Variants in CFLAR observed in about 807,000 individuals in gnomAD.
CFLAR encodes the protein CASP8 and FADD like apoptosis regulator.
In CFLAR, 14 loss-of-function variants were observed where a neutral mutation model predicts 51.1. The ratio of observed to expected loss-of-function variants is 0.27; its 90% CI spans 0.18 to 0.43. The LOEUF (loss-of-function observed/expected upper bound fraction) is 0.43. Among genes scored for constraint, CFLAR ranks in the 20% least tolerant of loss-of-function variants. The pLI is 1.00. For synonymous variants in CFLAR, 210 were observed against 211.6 expected (o/e 0.99, Z 0.06); for missense variants, 390 against 566.5 (o/e 0.69, Z 3.16).
intron 8 of CFLAR, among the ~76,000 whole-genome samples, chr2:201,155,380 T>G (rs2125895486): frequency 6.6e-6 from 1 of 151,864 alleles, no homozygotes; most frequent in Admixed American, 6.6e-5. Context: ...ATTCTCCGCC[T>G]CAGCCTCCTG....
In CFLAR at chr2:201,149,613, C is replaced by T. The variant is rs537197902; in HGVS notation, c.712-141C>T. 3.8e-4 allele frequency: 218 copies of T among 576,746 alleles called. 1 individual carries two copies. Among genetic ancestry groups the T allele is most frequent in the South Asian group, 1.3e-3 (59 of 44,446 alleles). 35.7% of individuals were successfully genotyped at this position (576,746 alleles called of 1,614,324 possible). A position where few individuals can be genotyped will look rare whatever the true frequency, so the allele number is the denominator to read the frequency against. ...TTTGATATTAATGGGAAACATTTGC[C>T]GTAATGGGAAACTTCAGGCTGTGTC... On this transcript the variant is annotated intron_variant, in intron 7 of 9. Coordinates refer to ENST00000309955, the MANE Select transcript of CFLAR (RefSeq NM_003879.7).
Position 201,137,828 on chromosome 2 carries a change from G to GTAC in CFLAR, c.523+1723_523+1725dup, listed in dbSNP as rs1365426538. ...TGGCATCCAGTGAGCCCATGCCCTG[G>GTAC]TACTTCTTGAGCTGCATTCCGTCTG... On this transcript the variant is annotated intron_variant, in intron 4 of 9. Coordinates refer to ENST00000309955, the MANE Select transcript of CFLAR (RefSeq NM_003879.7). The GTAC allele has an allele frequency of 1.8e-5, 21 of 1,177,210 alleles. 1 individual carries two copies. The Admixed American group carries it at 2.7e-4, about 15-fold the overall frequency. The allele number at this position is 1,177,210 out of a possible 1,614,324, so 72.9% of individuals were successfully genotyped here.
rs1044722177 is a variant in CFLAR at position 201,158,557 on chromosome 2, G to A, written c.794-1875G>A. On this transcript the variant is annotated intron_variant, in intron 8 of 9. Coordinates refer to ENST00000309955, the MANE Select transcript of CFLAR (RefSeq NM_003879.7). ...GAGCAAATACTCCATGATTAGAGAC[G>A]TGTGAGTCCTTTGGAATAGAATAGC... Among the ~76,000 whole-genome samples the A allele has an allele frequency of 1.6e-4, 24 of 152,142 alleles. 1 individual carries two copies. Among genetic ancestry groups the A allele is most frequent in the Admixed American group, 9.2e-4 (14 of 15,276 alleles).
At chr2:201,148,969 G>C in intron 6 of CFLAR, 34 bp from the exon 7 acceptor site, 5 of 1,543,122 alleles carry the variant, frequency 3.2e-6, no homozygotes, top group Non-Finnish European at 4.5e-6. Context: ...CTCTCCTTCA[G>C]CTTTGTAAAT....
chr2:201,142,253 T>C (rs936037026), intron 5 of CFLAR, among the ~76,000 whole-genome samples: 8 of 151,098 alleles, frequency 5.3e-5, no homozygotes, highest in African/African-American at 2.0e-4. Flanking sequence ...CCAGCCCTGG[T>C]GACAGAGTGA....
intron 9 of CFLAR, among the ~76,000 whole-genome samples, chr2:201,162,082 A>G (rs1279899907): frequency 6.6e-6 from 1 of 151,554 alleles, no homozygotes; most frequent in Non-Finnish European, 1.5e-5. Context: ...ATACCCACAC[A>G]GTCATGTAGA....
At chr2:201,121,370 C>T (rs1287788072) in intron 1 of CFLAR, among the ~76,000 whole-genome samples, 1 of 152,100 alleles carries the variant, frequency 6.6e-6, no homozygotes, top group Non-Finnish European at 1.5e-5. Context: ...ATCATTCAGC[C>T]TAAATGTAGA....
chr2:201,117,850 G>T (rs182545283), intron 1 of CFLAR, among the ~76,000 whole-genome samples: 7 of 151,854 alleles, frequency 4.6e-5, no homozygotes, highest in Admixed American at 3.9e-4. Flanking sequence ...CCGCCTGTCG[G>T]GTTCAAGCGA....
chr2:201,153,147 A>C (rs1941562535), intron 8 of CFLAR: 1 of 152,202 alleles, frequency 6.6e-6, no homozygotes, highest in Non-Finnish European at 1.5e-5. Flanking sequence ...GATTTGACTC[A>C]AGCCTTCTCT....
intron 8 of CFLAR, chr2:201,150,505 A>C (rs1322293638): frequency 6.7e-6 from 1 of 149,826 alleles, no homozygotes; most frequent in East Asian, 1.9e-4. Flanking sequence ...TCAAAAAAAG[A>C]AAAAAAAAAT....
At position 201,145,893 on chromosome 2, in the gene CFLAR, C is replaced by T. The variant is rs111315942; in HGVS notation, c.661+461C>T. On this transcript the variant is annotated intron_variant, in intron 6 of 9. Transcript: ENST00000309955. ...GAAAACGTGCAATTTAAAGATGGGTCATTTCAACCCGCATGAGCTGTTTTC... is the reference window on the plus strand; with the variant it reads ...GAAAACGTGCAATTTAAAGATGGGTTATTTCAACCCGCATGAGCTGTTTTC... 2.9e-3 allele frequency among the ~76,000 whole-genome samples: 449 copies of T among 152,254 alleles called. 2 individuals are homozygous for T. Among genetic ancestry groups the T allele is most frequent in the Middle Eastern group, 0.01 (3 of 294 alleles).
intron 1 of CFLAR, among the ~76,000 whole-genome samples, chr2:201,119,594 C>T (rs193201884): frequency 3.9e-4 from 59 of 151,942 alleles, no homozygotes; most frequent in Non-Finnish European, 2.9e-4. Context: ...TACTCTCTTC[C>T]TGTCATCTCC....
chr2:201,126,447 C>T (rs933002148), intron 1 of CFLAR, among the ~76,000 whole-genome samples: 2 of 152,080 alleles, frequency 1.3e-5, no homozygotes, highest in African/African-American at 4.8e-5. Flanking sequence ...TAAGTCCTTG[C>T]GGAAGGGCTG....
chr2:201,156,402 T>C (rs1393870389), intron 8 of CFLAR, among the ~76,000 whole-genome samples: 1 of 152,252 alleles, frequency 6.6e-6, no homozygotes, highest in Admixed American at 6.5e-5. Flanking sequence ...GTTTTACCCA[T>C]GTGCTCTATA....
intron 1 of CFLAR, among the ~76,000 whole-genome samples, chr2:201,120,023 CTT>C (rs34076189): frequency 3.4e-4 from 38 of 112,318 alleles, no homozygotes; most frequent in African/African-American, 9.2e-4. Context: ...CTTTTCTTTT[CTT>C]TTTTTTTTTT....
In CFLAR at chr2:201,171,929, TC is replaced by T. The variant is rs1193805092; in HGVS notation, c.*7960del. On this transcript the variant is annotated 3_prime_UTR_variant, in exon 10 of 10. Coordinates refer to ENST00000309955, the MANE Select transcript of CFLAR (RefSeq NM_003879.7). ...TATCACCCTACCCCACATCTCCACA[TC>T]CCCAAAATATAACCATACTTCAAGG... The T allele has an allele frequency of 2.0e-5, 3 of 152,124 alleles. No individual in the cohort carries two copies. The highest frequency in any genetic ancestry group is 2.0e-4 in the Admixed American group (3 of 15,246). 9.4% of individuals were successfully genotyped at this position (152,124 alleles called of 1,614,324 possible).
Position 201,160,565 on chromosome 2 carries a change from G to A in CFLAR, c.927G>A (p.Val309=), listed in dbSNP as rs1455516211. The A allele has an allele frequency of 6.2e-7, 1 of 1,614,062 alleles. No individual in the cohort carries two copies. Among genetic ancestry groups the A allele is most frequent in the South Asian group, 1.1e-5 (1 of 91,074 alleles). The change falls in exon 9 of 10, where the codon GTG becomes GTA. Residue 309 remains valine (V), a synonymous_variant. Coordinates refer to ENST00000309955, the MANE Select transcript of CFLAR (RefSeq NM_003879.7). ...MPEHRDYDSF[V]CVLVSRGGSQ... The stretch of plus-strand genomic sequence containing the variant: ...AGCACCGAGACTACGACAGCTTTGT[G>A]TGTGTCCTGGTGAGCCGAGGAGGCT...
chr2:201,160,332 T>C, intron 8 of CFLAR, 100 bp from the exon 9 acceptor site: 1 of 1,289,820 alleles, frequency 7.8e-7, no homozygotes, highest in Non-Finnish European at 1.1e-6. Context: ...CAGAAGCTTT[T>C]CATAATGGAG....
At chr2:201,125,412 A>AT (rs1186592560) in intron 1 of CFLAR, among the ~76,000 whole-genome samples, 1 of 152,070 alleles carries the variant, frequency 6.6e-6, no homozygotes, top group Non-Finnish European at 1.5e-5. Flanking sequence ...GTTTGGCTTT[A>AT]TTTTTTAAGA....
Sources: gnomAD v4.1 joint callset for allele counts (sites outside exome capture counted in the v4.1 genomes callset) on GRCh38, gnomAD v4.1.1 for gene constraint, MANE v1.5 for transcripts, NCBI Gene and HGNC (gene_info 2026-07-23, HGNC 2026-07-21) for gene names.